Variants in CRTC3 observed in about 807,000 individuals in gnomAD.
CRTC3 encodes CREB-regulated transcription coactivator 3.
CRTC3 carries 26 observed loss-of-function variants against 74.5 expected under a neutral mutation model. The observed-to-expected ratio is 0.35, with a 90% confidence interval of 0.26 to 0.48. The LOEUF is 0.48. Ranked by LOEUF, CRTC3 falls within the 20% of genes least tolerant of loss-of-function variation. The probability of loss-of-function intolerance (pLI) is 0.99; values close to 1 mark genes in which losing one functional copy is unlikely to be tolerated. For synonymous variants in CRTC3, 377 were observed against 325.8 expected (o/e 1.16, Z -1.69); for missense variants, 760 against 787.3 (o/e 0.97, Z 0.41).
intron 2 of CRTC3, among the ~76,000 whole-genome samples, chr15:90,565,332 C>T (rs1028401999): frequency 4.6e-5 from 7 of 152,120 alleles, no homozygotes; most frequent in African/African-American, 9.7e-5. Flanking sequence ...GAGGATTAAA[C>T]GAGATAATGT....
chr15:90,582,590 C>A (rs369786544), intron 2 of CRTC3, among the ~76,000 whole-genome samples: 10 of 152,100 alleles, frequency 6.6e-5, no homozygotes, highest in Non-Finnish European at 1.5e-4. Context: ...TGGGTATGTT[C>A]TTTGTTTTTT....
chr15:90,624,305 C>T (rs972427352), intron 9 of CRTC3, among the ~76,000 whole-genome samples: 2 of 152,052 alleles, frequency 1.3e-5, no homozygotes, highest in Non-Finnish European at 2.9e-5. Context: ...AATTGGTTCT[C>T]CCTGCCTCTC....
chr15:90,536,804 G>C (rs1178430564), intron 1 of CRTC3, among the ~76,000 whole-genome samples: 1 of 152,214 alleles, frequency 6.6e-6, no homozygotes, highest in Admixed American at 6.5e-5. Flanking sequence ...CCATCGTGAA[G>C]GGATAATAGG....
At chr15:90,628,222 AAATAAT>A (rs1018430137) in intron 10 of CRTC3, among the ~76,000 whole-genome samples, 5 of 151,380 alleles carry the variant, frequency 3.3e-5, no homozygotes, top group South Asian at 2.1e-4. Context: ...GTCTCAAAAA[AAATAAT>A]AATAATAATA....
At chr15:90,565,214 C>T (rs987455939) in intron 2 of CRTC3, among the ~76,000 whole-genome samples, 1 of 152,190 alleles carries the variant, frequency 6.6e-6, no homozygotes, top group African/African-American at 2.4e-5. Flanking sequence ...TCCCAAAGTA[C>T]TGGGATTACA....
At position 90,642,637 on chromosome 15, in the gene CRTC3, A is replaced by G. The variant is rs1969491352; in HGVS notation, c.*497A>G. On this transcript the variant is annotated 3_prime_UTR_variant, in exon 15 of 15. Coordinates refer to ENST00000268184, the MANE Select transcript of CRTC3 (RefSeq NM_022769.5). ...AGGGCGAGGCCCTCCAGCGGGGGAC[A>G]TTCCCAGGCTGAGTGGACCCCACGG... 4.1e-6 allele frequency: 1 copy of G among 241,228 alleles called. No individual in the cohort carries two copies. The highest frequency in any genetic ancestry group is 1.5e-4 in the South Asian group (1 of 6,590). The allele number at this position is 241,228 out of a possible 1,614,324, so 14.9% of individuals were successfully genotyped here. A position where few individuals can be genotyped will look rare whatever the true frequency, so the allele number is the denominator to read the frequency against.
chr15:90,611,821 C>T (rs2151085581), intron 6 of CRTC3, among the ~76,000 whole-genome samples: 1 of 152,280 alleles, frequency 6.6e-6, no homozygotes, highest in Non-Finnish European at 1.5e-5. Context: ...TCCTTTCAAT[C>T]CACCTCCTAC....
rs1024302890 is a variant in CRTC3 at position 90,641,859 on chromosome 15, T to C, written c.1652-73T>C. 5 of 1,286,110 alleles carry C rather than the reference T, an allele frequency of 3.9e-6. No individual in the cohort carries two copies. The African/African-American group carries it at 5.8e-5, about 15-fold the overall frequency. 79.7% of individuals were successfully genotyped at this position (1,286,110 alleles called of 1,614,324 possible). ...AGCAGTTTAGGGGACTGTCATCAGCTGGGTTTGCTTAGTAGCCTGGAGCCT... is the reference window on the plus strand; with the variant it reads ...AGCAGTTTAGGGGACTGTCATCAGCCGGGTTTGCTTAGTAGCCTGGAGCCT... On this transcript the variant is annotated intron_variant, in intron 14 of 14. Transcript: ENST00000268184.
At chr15:90,614,253 A>G (rs1317645302) in intron 6 of CRTC3, 200 bp from the exon 7 acceptor site, 10 of 507,776 alleles carry the variant, frequency 2.0e-5, no homozygotes, top group Middle Eastern at 5.2e-4. Flanking sequence ...AGAAAAAGGA[A>G]CCAAATTTAG....
At chr15:90,540,475 AC>A (rs1429724073) in intron 2 of CRTC3, among the ~76,000 whole-genome samples, 1 of 146,636 alleles carries the variant, frequency 6.8e-6, no homozygotes, top group Non-Finnish European at 1.5e-5. Context: ...TTTTAATATT[AC>A]TTAAATAAAT....
intron 3 of CRTC3, chr15:90,594,007 C>A: frequency 3.1e-6 from 1 of 326,042 alleles, no homozygotes; most frequent in Non-Finnish European, 5.6e-6. Flanking sequence ...ACCTGTAATT[C>A]GGTCCCATTG....
intron 2 of CRTC3, among the ~76,000 whole-genome samples, chr15:90,550,287 G>A (rs973399476): frequency 1.3e-5 from 2 of 151,630 alleles, no homozygotes; most frequent in African/African-American, 4.8e-5. Context: ...AATTAGCCGG[G>A]CATGGTGGTG....
chr15:90,541,695 T>C (rs545792304), intron 2 of CRTC3, among the ~76,000 whole-genome samples: 2 of 152,228 alleles, frequency 1.3e-5, no homozygotes, highest in Middle Eastern at 3.4e-3. Context: ...TTGTCAACTT[T>C]AGAGGAATAT....
intron 2 of CRTC3, among the ~76,000 whole-genome samples, chr15:90,565,233 C>A (rs1019888435): frequency 6.6e-6 from 1 of 152,168 alleles, no homozygotes. Context: ...CAGGTGTGAG[C>A]CACCGTGCCT....
At chr15:90,553,624 C>G (rs1262433052) in intron 2 of CRTC3, among the ~76,000 whole-genome samples, 1 of 152,206 alleles carries the variant, frequency 6.6e-6, no homozygotes, top group Non-Finnish European at 1.5e-5. Flanking sequence ...TTAGGAACAT[C>G]TGTACCCATG....
At chr15:90,559,200 A>T (rs945608600) in intron 2 of CRTC3, among the ~76,000 whole-genome samples, 1 of 152,228 alleles carries the variant, frequency 6.6e-6, no homozygotes, top group Non-Finnish European at 1.5e-5. Context: ...TCTTGAATGA[A>T]TGAATCAAAT....
chr15:90,551,557 G>C (rs1966856500), intron 2 of CRTC3, among the ~76,000 whole-genome samples: 1 of 152,156 alleles, frequency 6.6e-6, no homozygotes, highest in African/African-American at 2.4e-5. Context: ...AGAAGTGGGA[G>C]AGTTCTTGGA....
At chr15:90,611,130 G>A (rs796589988) in intron 6 of CRTC3, among the ~76,000 whole-genome samples, 62 of 152,272 alleles carry the variant, frequency 4.1e-4, no homozygotes, top group African/African-American at 1.4e-3. Context: ...CTGAAGAGGG[G>A]CAAAAAGAGT....
At chr15:90,535,478 T>C (rs1386723545) in intron 1 of CRTC3, among the ~76,000 whole-genome samples, 2 of 152,140 alleles carry the variant, frequency 1.3e-5, no homozygotes, top group Non-Finnish European at 2.9e-5. Context: ...GAAAGGCTAA[T>C]TGTGAGACGT....
Sources: gnomAD v4.1 joint callset for allele counts (sites outside exome capture counted in the v4.1 genomes callset) on GRCh38, gnomAD v4.1.1 for gene constraint, MANE v1.5 for transcripts, NCBI Gene and HGNC (gene_info 2026-07-23, HGNC 2026-07-21) for gene names.